Variants in HMGCLL1 observed in about 807,000 individuals in gnomAD.
HMGCLL1 encodes 3-hydroxy-3-methylglutaryl-CoA lyase like 1, also known as 3-hydroxymethyl-3-methylglutaryl-CoA lyase, cytoplasmic.
In HMGCLL1, 36 loss-of-function variants were observed where a neutral mutation model predicts 39.1. The ratio of observed to expected loss-of-function variants is 0.92; its 90% CI spans 0.71 to 1.22. The LOEUF is 1.22. HMGCLL1 is among the 50% of genes most tolerant of loss of function. The pLI, the probability that HMGCLL1 is intolerant of heterozygous loss-of-function variation, is 0.00. For synonymous variants in HMGCLL1, 149 were observed against 144.0 expected, an observed-to-expected ratio of 1.03 and a Z score of -0.25; for missense variants, 451 against 416.5, an observed-to-expected ratio of 1.08 and a Z score of -0.72.
At chr6:55,500,185 G>A (rs1016606259) in intron 5 of HMGCLL1, among the ~76,000 whole-genome samples, 41 of 152,114 alleles carry the variant, frequency 2.7e-4, no homozygotes, top group Non-Finnish European at 2.9e-4. Flanking sequence ...CAATATGAAA[G>A]GGTTTAGAAA....
In HMGCLL1 at chr6:55,536,323, C is replaced by T. The variant is rs891119585; in HGVS notation, c.297+5406G>A. On this transcript the variant is annotated intron_variant, in intron 3 of 8. Coordinates refer to ENST00000274901, the MANE Select transcript of HMGCLL1 (RefSeq NM_001042406.2). ...AGGGAGCAAATATTTTTAAACTAAG[C>T]CTTTGCCTATGGCATACATAAATGT... Among the ~76,000 whole-genome samples, 22 of 152,202 alleles carry T rather than the reference C, an allele frequency of 1.4e-4. 1 individual carries two copies. The highest frequency in any genetic ancestry group is 4.8e-4 in the African/African-American group (20 of 41,540).
chr6:55,571,354 A>G (rs1297085647), intron 1 of HMGCLL1, among the ~76,000 whole-genome samples: 1 of 152,226 alleles, frequency 6.6e-6, no homozygotes, highest in East Asian at 1.9e-4. Context: ...TCTCAAGATA[A>G]CTGAATTCAT....
At chr6:55,473,033 CT>C (rs1169618615) in intron 7 of HMGCLL1, among the ~76,000 whole-genome samples, 1 of 151,318 alleles carries the variant, frequency 6.6e-6, no homozygotes, top group Admixed American at 6.6e-5. Flanking sequence ...GCGAAGTCCA[CT>C]TTTTTCTAAA....
At chr6:55,452,000 T>G (rs2127389445) in intron 7 of HMGCLL1, among the ~76,000 whole-genome samples, 1 of 152,286 alleles carries the variant, frequency 6.6e-6, no homozygotes, top group South Asian at 2.1e-4. Flanking sequence ...CATAATAAGT[T>G]ATTATTCAAA....
At position 55,435,517 on chromosome 6, in the gene HMGCLL1, A is replaced by C; in HGVS notation, c.*145T>G. 2 of 433,584 alleles carry C rather than the reference A, an allele frequency of 4.6e-6. No individual in the cohort carries two copies. Among genetic ancestry groups the C allele is most frequent in the Non-Finnish European group, 8.3e-6 (2 of 240,210 alleles). The allele number at this position is 433,584 out of a possible 1,614,324, so 26.9% of individuals were successfully genotyped here. Reference sequence around the variant, plus strand: ...TGCATTTTGTTGACTTAATCTATCCAGTTATAATCTTTTTGAAAAGGATCT... The same window carrying C: ...TGCATTTTGTTGACTTAATCTATCCCGTTATAATCTTTTTGAAAAGGATCT... On this transcript the variant is annotated 3_prime_UTR_variant, in exon 9 of 9. Transcript: ENST00000274901.
chr6:55,500,924 G>A (rs1581863329), intron 5 of HMGCLL1, among the ~76,000 whole-genome samples: 1 of 151,996 alleles, frequency 6.6e-6, no homozygotes, highest in East Asian at 1.9e-4. Context: ...TTATTTACAT[G>A]TTCTCCTTCT....
chr6:55,672,655 T>C, the HMGCLL1 span, among the ~76,000 whole-genome samples: 2 of 151,914 alleles, frequency 1.3e-5, no homozygotes. Flanking sequence ...TACTGAACAT[T>C]AGCCTTGAAC....
chr6:55,444,563 A>G (rs1257977172), intron 7 of HMGCLL1, among the ~76,000 whole-genome samples: 1 of 152,036 alleles, frequency 6.6e-6, no homozygotes, highest in Non-Finnish European at 1.5e-5. Flanking sequence ...AGATGTTATA[A>G]CAGTACATAG....
chr6:55,476,373 G>A (rs1765286122), intron 7 of HMGCLL1, among the ~76,000 whole-genome samples: 1 of 151,418 alleles, frequency 6.6e-6, no homozygotes, highest in Admixed American at 6.6e-5. Flanking sequence ...TTTGTTACTA[G>A]TATATATAAC....
the HMGCLL1 span, among the ~76,000 whole-genome samples, chr6:55,625,895 T>C: frequency 2.0e-5 from 3 of 152,090 alleles, no homozygotes; most frequent in Non-Finnish European, 2.9e-5. Context: ...ATCAAGTAGA[T>C]AGGATGACCC....
Position 55,440,709 on chromosome 6 carries a change from A to G in HMGCLL1, c.796-1150T>C, listed in dbSNP as rs1429031652. On this transcript the variant is annotated intron_variant, in intron 7 of 8. Transcript: ENST00000274901. ...GAAGCAGAGCTCTTTCCAACCAACT[A>G]TATCATGTTTCTCAATCACAGGTTA... 2.0e-5 allele frequency among the ~76,000 whole-genome samples: 3 copies of G among 152,044 alleles called. 1 individual carries two copies. In the East Asian group the frequency reaches 5.8e-4, roughly 29 times the overall value.
chr6:55,453,347 T>A (rs930124577), intron 7 of HMGCLL1, among the ~76,000 whole-genome samples: 3 of 151,968 alleles, frequency 2.0e-5, no homozygotes, highest in Admixed American at 1.3e-4. Flanking sequence ...TCTGGCTAAT[T>A]TTTTTGTATT....
At chr6:55,631,243 G>T in the HMGCLL1 span, among the ~76,000 whole-genome samples, 3 of 151,774 alleles carry the variant, frequency 2.0e-5, no homozygotes, top group Admixed American at 1.3e-4. Context: ...ATAACTCTTC[G>T]ATTTGCCCTT....
chr6:55,552,752 T>C (rs1462458430), intron 1 of HMGCLL1, among the ~76,000 whole-genome samples: 2 of 151,988 alleles, frequency 1.3e-5, no homozygotes, highest in Non-Finnish European at 1.5e-5. Flanking sequence ...TTGAAGGAGA[T>C]ACCCTAGTTA....
At chr6:55,460,804 T>C (rs1418857855) in intron 7 of HMGCLL1, among the ~76,000 whole-genome samples, 1 of 152,012 alleles carries the variant, frequency 6.6e-6, no homozygotes, top group Non-Finnish European at 1.5e-5. Context: ...AGTCCAGTTA[T>C]GCAACTTTTT....
At chr6:55,663,059 T>C in the HMGCLL1 span, among the ~76,000 whole-genome samples, 1 of 151,732 alleles carries the variant, frequency 6.6e-6, no homozygotes, top group African/African-American at 2.4e-5. Flanking sequence ...ATTGTGTTTG[T>C]TTGCCTCTTC....
chr6:55,507,712 A>C (rs1388319767), intron 5 of HMGCLL1, among the ~76,000 whole-genome samples: 3 of 151,810 alleles, frequency 2.0e-5, no homozygotes, highest in Non-Finnish European at 4.4e-5. Context: ...TAAATCTCTG[A>C]GACCTGAAAC....
Sources: allele counts gnomAD v4.1 joint callset (sites outside exome capture counted in the v4.1 genomes callset), GRCh38; gene constraint gnomAD v4.1.1; transcripts MANE v1.5; gene names NCBI Gene and HGNC (gene_info 2026-07-23, HGNC 2026-07-21).